CNTN4: variants seen among roughly 807,000 people sequenced by gnomAD.
CNTN4 encodes the protein contactin 4, also known as contactin-4.
A neutral mutation model predicts 122.5 loss-of-function variants in CNTN4; 77 were observed. The observed-to-expected ratio is 0.63, with a 90% CI of 0.52 to 0.76. CNTN4 has a LOEUF of 0.76. Among genes scored for constraint, CNTN4 ranks in the 30% least tolerant of loss-of-function variants. CNTN4 has a pLI of 0.00. For missense variants in CNTN4, 1,256 were observed against 1,259.1 expected (o/e 1.00, Z 0.04); for synonymous variants, 512 against 447.0 (o/e 1.15, Z -1.83).
chr3:2,862,767 A>G (rs779889860), intron 7 of CNTN4, among the ~76,000 whole-genome samples: 13 of 150,324 alleles, frequency 8.6e-5, no homozygotes, highest in Non-Finnish European at 1.6e-4. Flanking sequence ...ATTTTGTTTT[A>G]TTTACTTGGC....
chr3:2,660,957 G>T (rs991904933), intron 4 of CNTN4, among the ~76,000 whole-genome samples: 13 of 152,176 alleles, frequency 8.5e-5, no homozygotes, highest in African/African-American at 2.4e-4. Context: ...TCTAATTCTG[G>T]TAATAATTAA....
rs11384349 is a variant in CNTN4, at chr3:2,660,220, T to TAA, written c.56-75986_56-75985dup. On this transcript the variant is annotated intron_variant, in intron 4 of 24. Coordinates refer to ENST00000418658, the MANE Select transcript of CNTN4 (RefSeq NM_175607.3). ...GTCTAAGAGATGGTTTATAAATGAT[T>TAA]AAAAAAAAAACTCTAATAGTATACT... is the stretch of plus-strand genomic sequence containing the variant. Among the ~76,000 whole-genome samples, 120 of 150,002 alleles carry TAA rather than the reference T, an allele frequency of 8.0e-4. 1 individual carries two copies. The highest frequency in any genetic ancestry group is 3.7e-3 in the East Asian group (19 of 5,096).
chr3:2,696,967 C>A (rs2675302), intron 4 of CNTN4, among the ~76,000 whole-genome samples: 2 of 151,902 alleles, frequency 1.3e-5, no homozygotes, highest in South Asian at 4.1e-4. Flanking sequence ...TACTTAGGAA[C>A]GGAAGGTTGC....
At chr3:2,787,788 T>C (rs2091884753) in intron 6 of CNTN4, among the ~76,000 whole-genome samples, 1 of 52,792 alleles carries the variant, frequency 1.9e-5, no homozygotes, top group African/African-American at 6.0e-5. Context: ...GTTTTGTGGG[T>C]TTTTGTTTTT....
intron 3 of CNTN4, among the ~76,000 whole-genome samples, chr3:2,481,957 T>C (rs535559430): frequency 6.6e-6 from 1 of 152,300 alleles, no homozygotes; most frequent in Admixed American, 6.5e-5. Flanking sequence ...TATAAAATAC[T>C]CAGTCTCTGC....
intron 4 of CNTN4, among the ~76,000 whole-genome samples, chr3:2,688,200 T>TA (rs1243533860): frequency 6.6e-6 from 1 of 152,202 alleles, no homozygotes; most frequent in South Asian, 2.1e-4. Context: ...CAGTGCCTTT[T>TA]AAAAAATAAT....
chr3:2,177,194 G>T (rs2036785923), intron 2 of CNTN4, among the ~76,000 whole-genome samples: 1 of 152,098 alleles, frequency 6.6e-6, no homozygotes, highest in Non-Finnish European at 1.5e-5. Flanking sequence ...TTTCTCAAAA[G>T]AGCTCTTAAG....
intron 13 of CNTN4, among the ~76,000 whole-genome samples, chr3:2,979,006 C>T (rs1325970476): frequency 6.6e-6 from 1 of 152,214 alleles, no homozygotes; most frequent in South Asian, 2.1e-4. Context: ...TATACCACTT[C>T]ACTTTTGGAA....
At chr3:3,009,062 A>AGTG in intron 14 of CNTN4, 1 of 984,022 alleles carries the variant, frequency 1.0e-6, no homozygotes, top group South Asian at 4.7e-5. Context: ...GCAAGTGGCA[A>AGTG]GAGCACCACC....
chr3:2,364,055 A>G (rs2045271856), intron 3 of CNTN4, among the ~76,000 whole-genome samples: 1 of 152,064 alleles, frequency 6.6e-6, no homozygotes, highest in Non-Finnish European at 1.5e-5. Flanking sequence ...TTGCCTGGAT[A>G]TAGTGCTATA....
chr3:2,151,570 C>T lies in CNTN4; in HGVS notation c.-145+50931C>T, dbSNP rs185734779. On this transcript the variant is annotated intron_variant, in intron 2 of 24. Transcript: ENST00000418658. ...CAATGTTTTGCATAGTTGTCCTCTCCAAAACTCATGTCGAAATTTAATCCC... is the reference window on the plus strand; with the variant it reads ...CAATGTTTTGCATAGTTGTCCTCTCTAAAACTCATGTCGAAATTTAATCCC... Among the ~76,000 whole-genome samples the T allele has an allele frequency of 2.6e-5, 4 of 152,118 alleles. No homozygotes were observed. The East Asian group carries it at 5.8e-4, about 22-fold the overall frequency.
intron 6 of CNTN4, among the ~76,000 whole-genome samples, chr3:2,797,239 C>T (rs1206906527): frequency 6.6e-6 from 1 of 152,146 alleles, no homozygotes; most frequent in Non-Finnish European, 1.5e-5. Flanking sequence ...AGCTATCCTC[C>T]TGCCTCAGCC....
chr3:2,649,517 T>G (rs990548784), intron 4 of CNTN4, among the ~76,000 whole-genome samples: 2 of 152,202 alleles, frequency 1.3e-5, no homozygotes, highest in Non-Finnish European at 2.9e-5. Context: ...CATGGTTTGC[T>G]GAATATTTTC....
At chr3:2,805,467 G>A (rs893460865) in intron 6 of CNTN4, among the ~76,000 whole-genome samples, 1 of 152,200 alleles carries the variant, frequency 6.6e-6, no homozygotes. Flanking sequence ...CATGGAAAAT[G>A]AGAATGTAGC....
chr3:2,544,834 T>C (rs1054095003), intron 3 of CNTN4, among the ~76,000 whole-genome samples: 4 of 152,132 alleles, frequency 2.6e-5, no homozygotes, highest in South Asian at 2.1e-4. Context: ...CCTGGATTCA[T>C]TGATCTTTTG....
intron 15 of CNTN4, among the ~76,000 whole-genome samples, chr3:3,030,407 A>G (rs1277130439): frequency 6.6e-6 from 1 of 152,208 alleles, no homozygotes; most frequent in Non-Finnish European, 1.5e-5. Flanking sequence ...TGCTGGCTCT[A>G]AGAAAGGGTT....
At chr3:2,160,159 A>G (rs1574966027) in intron 2 of CNTN4, among the ~76,000 whole-genome samples, 1 of 152,308 alleles carries the variant, frequency 6.6e-6, no homozygotes. Context: ...ATTTTTTATC[A>G]TTGAATGTCA....
intron 3 of CNTN4, among the ~76,000 whole-genome samples, chr3:2,420,793 C>A (rs913672929): frequency 6.6e-6 from 1 of 152,098 alleles, no homozygotes; most frequent in South Asian, 2.1e-4. Context: ...TTCTGGCCTG[C>A]ACTTCTTAAA....
intron 8 of CNTN4, among the ~76,000 whole-genome samples, chr3:2,874,302 A>T (rs2093818495): frequency 6.6e-6 from 1 of 152,214 alleles, no homozygotes; most frequent in African/African-American, 2.4e-5. Flanking sequence ...AGCCTGTGGG[A>T]ACCTACAGTC....
Sources: gnomAD v4.1 joint callset for allele counts (sites outside exome capture counted in the v4.1 genomes callset) on GRCh38, gnomAD v4.1.1 for gene constraint, MANE v1.5 for transcripts, NCBI Gene and HGNC (gene_info 2026-07-23, HGNC 2026-07-21) for gene names.